Variants in CNTN4 observed in about 807,000 individuals in gnomAD.
CNTN4 encodes the protein contactin-4.
CNTN4 carries 77 observed loss-of-function variants against 122.5 expected under a neutral mutation model. The ratio of observed to expected loss-of-function variants is 0.63; its 90% CI spans 0.52 to 0.76. The LOEUF (loss-of-function observed/expected upper bound fraction) is 0.76, where lower values mean the gene tolerates loss of function less well. CNTN4 is among the 30% of genes least tolerant of loss of function. The probability of loss-of-function intolerance (pLI) is 0.00; values close to 1 mark genes in which losing one functional copy is unlikely to be tolerated. For missense variants in CNTN4, 1,256 were observed against 1,259.1 expected (o/e 1.00, Z 0.04); for synonymous variants, 512 against 447.0 (o/e 1.15, Z -1.83).
At chr3:2,724,051 T>C (rs1193370434) in intron 4 of CNTN4, among the ~76,000 whole-genome samples, 1 of 152,194 alleles carries the variant, frequency 6.6e-6, no homozygotes, top group East Asian at 1.9e-4. Flanking sequence ...ATTATTGTCA[T>C]TATTTTACAT....
intron 13 of CNTN4, among the ~76,000 whole-genome samples, chr3:2,983,342 G>T (rs905369449): frequency 3.4e-5 from 5 of 148,340 alleles, no homozygotes; most frequent in African/African-American, 9.9e-5. Context: ...TGTCTATTTG[G>T]TGTCACCCAT....
intron 2 of CNTN4, among the ~76,000 whole-genome samples, chr3:2,214,073 G>A (rs749902251): frequency 6.6e-6 from 1 of 151,978 alleles, no homozygotes; most frequent in Non-Finnish European, 1.5e-5. Flanking sequence ...TTCCCACCTG[G>A]GCTTAACCTA....
At chr3:2,325,834 T>C (rs2043435871) in intron 2 of CNTN4, among the ~76,000 whole-genome samples, 2 of 152,234 alleles carry the variant, frequency 1.3e-5, no homozygotes, top group South Asian at 2.1e-4. Context: ...ATGTGTACTT[T>C]AGAAATAAAA....
chr3:2,749,034 G>A (rs1233794411), intron 6 of CNTN4, among the ~76,000 whole-genome samples: 1 of 152,158 alleles, frequency 6.6e-6, no homozygotes, highest in African/African-American at 2.4e-5. Context: ...ATGACCTCCT[G>A]AGAGAAAGTT....
At chr3:2,897,869 GA>G (rs2094132089) in intron 10 of CNTN4, among the ~76,000 whole-genome samples, 1 of 152,102 alleles carries the variant, frequency 6.6e-6, no homozygotes, top group Non-Finnish European at 1.5e-5. Context: ...TTTAGACATG[GA>G]GTTGTAAAAT....
At chr3:3,012,695 G>A (rs1379446915) in intron 14 of CNTN4, among the ~76,000 whole-genome samples, 4 of 152,086 alleles carry the variant, frequency 2.6e-5, no homozygotes, top group East Asian at 1.9e-4. Context: ...TTGGCTGGGC[G>A]CCGTGGCTCA....
At chr3:2,741,240 A>C in intron 5 of CNTN4, among the ~76,000 whole-genome samples, 1 of 152,230 alleles carries the variant, frequency 6.6e-6, no homozygotes, top group Admixed American at 6.5e-5. Flanking sequence ...AGAATGATGT[A>C]ACTACAAGTA....
intron 3 of CNTN4, among the ~76,000 whole-genome samples, chr3:2,377,772 A>ATTCT: frequency 7.2e-6 from 1 of 137,976 alleles, no homozygotes; most frequent in African/African-American, 2.6e-5. Context: ...TTTTTTTGTG[A>ATTCT]TTATTTTTTT....
intron 6 of CNTN4, among the ~76,000 whole-genome samples, chr3:2,759,164 CT>C (rs887565400): frequency 5.3e-5 from 8 of 151,566 alleles, no homozygotes; most frequent in Admixed American, 1.3e-4. Flanking sequence ...TTTCTTTTTT[CT>C]TTTTTTTGAG....
intron 2 of CNTN4, among the ~76,000 whole-genome samples, chr3:2,105,908 A>T (rs1324783836): frequency 6.6e-6 from 1 of 152,206 alleles, no homozygotes; most frequent in East Asian, 1.9e-4. Flanking sequence ...GTTAATTCCA[A>T]GTTGCAGTGG....
At chr3:2,871,719 G>T (rs1412205156) in intron 8 of CNTN4, among the ~76,000 whole-genome samples, 2 of 152,138 alleles carry the variant, frequency 1.3e-5, no homozygotes, top group Admixed American at 1.3e-4. Context: ...TTATTTCACT[G>T]AGGTTCAGAA....
chr3:2,923,761 ACTTAT>A (rs2094449345), intron 12 of CNTN4, among the ~76,000 whole-genome samples: 1 of 152,156 alleles, frequency 6.6e-6, no homozygotes, highest in Admixed American at 6.5e-5. Context: ...TATGAATTTA[ACTTAT>A]CTTTTTAATC....
intron 13 of CNTN4, among the ~76,000 whole-genome samples, chr3:2,972,469 G>A (rs997598409): frequency 2.6e-5 from 4 of 152,132 alleles, no homozygotes; most frequent in Admixed American, 6.5e-5. Context: ...AGCATGATTC[G>A]TTAGGGATAA....
rs866750864 is a variant in CNTN4, at chr3:2,242,337, A to G, written c.-144-96841A>G. ...TCTGATTTGGTCCACATATCATAAC[A>G]TGAAGTTGGTGAGGCTGAGGCTATA... is the stretch of plus-strand genomic sequence containing the variant. On this transcript the variant is annotated intron_variant, in intron 2 of 24. Transcript: ENST00000418658. Among the ~76,000 whole-genome samples, 18 of 152,240 alleles carry G rather than the reference A, an allele frequency of 1.2e-4. No individual in the cohort carries two copies. In the South Asian group the frequency reaches 3.5e-3, roughly 30 times the overall value.
chr3:2,228,900 G>C (rs1213613845), intron 2 of CNTN4, among the ~76,000 whole-genome samples: 1 of 152,112 alleles, frequency 6.6e-6, no homozygotes, highest in African/African-American at 2.4e-5. Flanking sequence ...AGTTAATTTA[G>C]AGCTGCAAAC....
At chr3:2,340,710 T>TATATATATATAGAGAGAGAGAG in intron 3 of CNTN4, among the ~76,000 whole-genome samples, 32 of 18,302 alleles carry the variant, frequency 1.7e-3, no homozygotes, top group Admixed American at 2.3e-3. Flanking sequence ...TATATATATA[T>TATATATATATAGAGAGAGAGAG]AGAGAGAGAG....
chr3:2,151,925 A>G (rs1052328042), intron 2 of CNTN4, among the ~76,000 whole-genome samples: 2 of 152,220 alleles, frequency 1.3e-5, no homozygotes, highest in Non-Finnish European at 2.9e-5. Flanking sequence ...TGAATTACCC[A>G]GTTTCAGTTT....
rs191259000 is a variant in CNTN4, at chr3:3,022,522, A to G, written c.1487-3580A>G. ...TAAATCAGAAAGTCTTTCCACCAGC[A>G]GTGAAAGTGAGAATGTAATAAGGCT... On this transcript the variant is annotated intron_variant, in intron 14 of 24. Coordinates refer to ENST00000418658, the MANE Select transcript of CNTN4 (RefSeq NM_175607.3). 7.3e-4 allele frequency among the ~76,000 whole-genome samples: 111 copies of G among 152,342 alleles called. 3 individuals are homozygous for G. In the East Asian group the frequency reaches 0.02, roughly 27 times the overall value.
At chr3:2,112,895 C>G (rs980472412) in intron 2 of CNTN4, among the ~76,000 whole-genome samples, 2 of 152,132 alleles carry the variant, frequency 1.3e-5, no homozygotes, top group African/African-American at 2.4e-5. Flanking sequence ...ATTGGCCTGA[C>G]TACAGGCTTC....
Sources: allele counts gnomAD v4.1 joint callset (sites outside exome capture counted in the v4.1 genomes callset), GRCh38; gene constraint gnomAD v4.1.1; transcripts MANE v1.5; gene names NCBI Gene and HGNC (gene_info 2026-07-23, HGNC 2026-07-21).